Variants in CCDC149 observed in about 807,000 individuals in gnomAD.
The protein encoded by CCDC149 is coiled-coil domain-containing protein 149.
In CCDC149, 45 loss-of-function variants were observed where a neutral mutation model predicts 59.9. That is an observed-to-expected ratio of 0.75 (90% CI 0.59 to 0.96). CCDC149 has a LOEUF of 0.96. Ranked by LOEUF, CCDC149 falls within the 40% of genes least tolerant of loss-of-function variation. CCDC149 has a pLI of 0.00. For synonymous variants in CCDC149, 245 were observed against 260.6 expected, an observed-to-expected ratio of 0.94 and a Z score of 0.58; for missense variants, 584 against 664.7, an observed-to-expected ratio of 0.88 and a Z score of 1.33.
intron 1 of CCDC149, among the ~76,000 whole-genome samples, chr4:24,912,272 C>G (rs1721919481): frequency 6.6e-6 from 1 of 152,110 alleles, no homozygotes; most frequent in Admixed American, 6.5e-5. Flanking sequence ...CCCTCCCCAC[C>G]TTACACATGG....
intron 1 of CCDC149, among the ~76,000 whole-genome samples, chr4:24,928,361 C>T (rs1722488915): frequency 1.3e-5 from 2 of 152,006 alleles, no homozygotes; most frequent in South Asian, 2.1e-4. Context: ...GAGAAGATGG[C>T]GAAGGGGAGG....
At chr4:24,978,088 C>T (rs1724285266) in intron 1 of CCDC149, among the ~76,000 whole-genome samples, 1 of 152,178 alleles carries the variant, frequency 6.6e-6, no homozygotes, top group Non-Finnish European at 1.5e-5. Context: ...CCTATATTTG[C>T]ACCACTAACT....
chr4:24,924,797 A>G (rs547728121), intron 1 of CCDC149, among the ~76,000 whole-genome samples: 1 of 152,310 alleles, frequency 6.6e-6, no homozygotes, highest in South Asian at 2.1e-4. Context: ...GTGAGTCAAA[A>G]ACTTGTCCAG....
chr4:24,965,870 G>A (rs4024272), intron 1 of CCDC149, among the ~76,000 whole-genome samples: 29,758 of 152,224 alleles, frequency 0.2, 4,231 homozygotes, highest in African/African-American at 0.39. Flanking sequence ...AACCCCGCAC[G>A]TTATGTAACC....
intron 8 of CCDC149, among the ~76,000 whole-genome samples, chr4:24,833,040 C>G (rs1716258796): frequency 6.6e-6 from 1 of 152,048 alleles, no homozygotes. Flanking sequence ...CTCAGGTGCT[C>G]CTGCGTATGT....
At chr4:24,905,062 T>A (rs1031766329) in intron 1 of CCDC149, among the ~76,000 whole-genome samples, 12 of 151,706 alleles carry the variant, frequency 7.9e-5, no homozygotes, top group Admixed American at 2.0e-4. Flanking sequence ...CCACCATGCC[T>A]GCCTAATTTT....
At chr4:24,861,820 C>T (rs1242206501) in intron 3 of CCDC149, among the ~76,000 whole-genome samples, 4 of 152,048 alleles carry the variant, frequency 2.6e-5, no homozygotes, top group East Asian at 1.9e-4. Flanking sequence ...CCATTTCTCT[C>T]GCTGTAATAA....
intron 1 of CCDC149, among the ~76,000 whole-genome samples, chr4:24,889,216 C>G (rs1277309382): frequency 2.0e-5 from 3 of 152,212 alleles, no homozygotes; most frequent in Non-Finnish European, 4.4e-5. Context: ...ATCTCAGTCT[C>G]TGCATTCTCC....
At chr4:24,960,217 C>G (rs926527645) in intron 1 of CCDC149, among the ~76,000 whole-genome samples, 1 of 152,044 alleles carries the variant, frequency 6.6e-6, no homozygotes, top group Non-Finnish European at 1.5e-5. Flanking sequence ...ACCATATACA[C>G]TATAACTCTA....
chr4:24,841,031 T>G (rs980149169), intron 4 of CCDC149, among the ~76,000 whole-genome samples: 1 of 152,184 alleles, frequency 6.6e-6, no homozygotes, highest in Non-Finnish European at 1.5e-5. Context: ...AAAGCTGATA[T>G]GCAAAAACTC....
chr4:24,835,973 G>T (rs1289771066), intron 7 of CCDC149, among the ~76,000 whole-genome samples: 2 of 152,206 alleles, frequency 1.3e-5, no homozygotes, highest in African/African-American at 4.8e-5. Context: ...TCCTTGCAGG[G>T]TGACATGAAC....
rs1218354993 is a variant in CCDC149 at position 24,808,421 on chromosome 4, C to T, written c.1591G>A (p.Gly531Ser). Residue 531 changes from glycine to serine, a missense_variant, in exon 13 of 13, where the codon GGC becomes AGC. Physicochemically the swap from Gly to Ser is moderately conservative, Grantham distance 56. Coordinates refer to ENST00000635206, the MANE Select transcript of CCDC149 (RefSeq NM_001330643.2). Reference sequence around the variant, plus strand: ...TTCACGGTGCTCCTCATGCCTCCGCCCTCTGGGATCCCTTTGCCGTCTTCC... The same window carrying T: ...TTCACGGTGCTCCTCATGCCTCCGCTCTCTGGGATCCCTTTGCCGTCTTCC... 6.9e-7 allele frequency: 1 copy of T among 1,458,500 alleles called. No individual in the cohort carries two copies. Among genetic ancestry groups the T allele is most frequent in the Non-Finnish European group, 9.1e-7 (1 of 1,104,350 alleles). 90.3% of individuals were successfully genotyped at this position (1,458,500 alleles called of 1,614,324 possible). A position where few individuals can be genotyped will look rare whatever the true frequency, so the allele number is the denominator to read the frequency against.
At chr4:24,891,974 G>A (rs1485736628) in intron 1 of CCDC149, among the ~76,000 whole-genome samples, 1 of 152,130 alleles carries the variant, frequency 6.6e-6, no homozygotes, top group East Asian at 1.9e-4. Context: ...ATTCCAGCCT[G>A]GGGGAGAGAG....
intron 3 of CCDC149, among the ~76,000 whole-genome samples, chr4:24,860,310 C>A (rs1260101345): frequency 6.6e-6 from 1 of 152,158 alleles, no homozygotes; most frequent in Non-Finnish European, 1.5e-5. Flanking sequence ...GCTAACTGAT[C>A]TTCAACAAAG....
chr4:24,872,048 A>G (rs958719374), intron 3 of CCDC149, among the ~76,000 whole-genome samples: 2 of 152,240 alleles, frequency 1.3e-5, no homozygotes, highest in African/African-American at 4.8e-5. Flanking sequence ...AAACCTCTGA[A>G]AAGGAAGAGC....
chr4:24,884,506 T>C (rs1302307065), intron 1 of CCDC149, among the ~76,000 whole-genome samples: 4 of 152,238 alleles, frequency 2.6e-5, no homozygotes, highest in Non-Finnish European at 2.9e-5. Context: ...TGGTAATAAG[T>C]AGCTGATTAT....
intron 1 of CCDC149, among the ~76,000 whole-genome samples, chr4:24,939,748 G>A (rs1225364290): frequency 2.0e-5 from 3 of 152,160 alleles, no homozygotes; most frequent in East Asian, 1.9e-4. Context: ...CGCGACGAAC[G>A]CACAAGCCTC....
chr4:24,901,042 T>C (rs571511891), intron 1 of CCDC149, among the ~76,000 whole-genome samples: 1 of 152,370 alleles, frequency 6.6e-6, no homozygotes, highest in Admixed American at 6.5e-5. Flanking sequence ...AAATGTTTTT[T>C]CTTAAAGGTG....
rs374276139 is a variant in CCDC149, at chr4:24,848,445, T to G, written c.372+4627A>C. Among the ~76,000 whole-genome samples the G allele has an allele frequency of 1.4e-4, 21 of 152,198 alleles. No homozygotes were observed. The South Asian group carries it at 4.4e-3, about 32-fold the overall frequency. Reference sequence around the variant, plus strand: ...TTAGCTGGGCGTGGTGGCGCGTGCCTGTAGTCCCAGCTACTCAGGAGGCTG... The same window carrying G: ...TTAGCTGGGCGTGGTGGCGCGTGCCGGTAGTCCCAGCTACTCAGGAGGCTG... On this transcript the variant is annotated intron_variant, in intron 4 of 12. Transcript: ENST00000635206.
Sources: gnomAD v4.1 joint callset for allele counts (sites outside exome capture counted in the v4.1 genomes callset) on GRCh38, gnomAD v4.1.1 for gene constraint, MANE v1.5 for transcripts, NCBI Gene and HGNC (gene_info 2026-07-23, HGNC 2026-07-21) for gene names.